RAD51B: variants seen among roughly 807,000 people sequenced by gnomAD.
RAD51B encodes the protein RAD51 paralog B, also known as DNA repair protein RAD51 homolog 2.
A neutral mutation model predicts 42.2 loss-of-function variants in RAD51B; 38 were observed. That is an observed-to-expected ratio of 0.90 (90% CI 0.70 to 1.18). RAD51B has a LOEUF of 1.18. RAD51B is among the 50% of genes most tolerant of loss of function. RAD51B has a pLI of 0.00. For missense variants in RAD51B, 373 were observed against 400.7 expected (o/e 0.93, Z 0.59); for synonymous variants, 154 against 145.2 (o/e 1.06, Z -0.43).
At chr14:67,878,592 A>T (rs1368259218) in intron 5 of RAD51B, among the ~76,000 whole-genome samples, 2 of 152,104 alleles carry the variant, frequency 1.3e-5, no homozygotes, top group Non-Finnish European at 2.9e-5. Flanking sequence ...CTCTAGGTGG[A>T]TTATATCAAT....
intron 10 of RAD51B, among the ~76,000 whole-genome samples, chr14:68,502,062 T>C (rs145364164): frequency 3.2e-4 from 48 of 152,336 alleles, no homozygotes; most frequent in African/African-American, 1.1e-3. Flanking sequence ...GTCTGAGCCA[T>C]CAAAGGAGCC....
At chr14:68,426,131 C>T (rs769817237) in intron 9 of RAD51B, among the ~76,000 whole-genome samples, 6 of 151,394 alleles carry the variant, frequency 4.0e-5, no homozygotes, top group East Asian at 1.9e-4. Context: ...TGCAATGGCA[C>T]GATCTCGGCT....
intron 10 of RAD51B, chr14:68,563,663 G>A: frequency 2.0e-6 from 2 of 985,478 alleles, no homozygotes; most frequent in South Asian, 4.7e-5. Context: ...TGCTTCGGGG[G>A]AAGGGCAGAA....
chr14:68,094,108 C>G (rs541000912), intron 7 of RAD51B, among the ~76,000 whole-genome samples: 1 of 152,082 alleles, frequency 6.6e-6, no homozygotes, highest in Non-Finnish European at 1.5e-5. Context: ...TTGAGTACCT[C>G]TTTATATTAC....
chr14:67,826,569 C>T (rs1246778911), intron 3 of RAD51B, among the ~76,000 whole-genome samples: 1 of 152,094 alleles, frequency 6.6e-6, no homozygotes, highest in Non-Finnish European at 1.5e-5. Flanking sequence ...TTGAAATTTA[C>T]TGAACACTGA....
intron 8 of RAD51B, among the ~76,000 whole-genome samples, chr14:68,355,245 G>T (rs1413629166): frequency 6.6e-6 from 1 of 152,114 alleles, no homozygotes; most frequent in East Asian, 1.9e-4. Context: ...GTTTCATAAA[G>T]AAAACATTAA....
intron 7 of RAD51B, among the ~76,000 whole-genome samples, chr14:68,058,024 TCTC>T (rs769398665): frequency 6.6e-6 from 1 of 152,112 alleles, no homozygotes; most frequent in East Asian, 1.9e-4. Flanking sequence ...CTTTCCTCTG[TCTC>T]CTCTAATTTT....
intron 5 of RAD51B, among the ~76,000 whole-genome samples, chr14:67,872,832 A>G (rs1306332502): frequency 2.0e-5 from 3 of 151,888 alleles, no homozygotes; most frequent in Non-Finnish European, 4.4e-5. Context: ...AAAACAAGCA[A>G]TGGGGAAAGG....
intron 7 of RAD51B, among the ~76,000 whole-genome samples, chr14:68,234,526 A>T (rs558293052): frequency 1.3e-5 from 2 of 152,354 alleles, no homozygotes; most frequent in Admixed American, 6.5e-5. Flanking sequence ...GCTGGATGGT[A>T]CAGCCTGTTA....
intron 7 of RAD51B, among the ~76,000 whole-genome samples, chr14:67,979,274 A>G (rs1217002197): frequency 6.6e-6 from 1 of 152,238 alleles, no homozygotes; most frequent in African/African-American, 2.4e-5. Context: ...AAATGCAGTT[A>G]AAATATAGTA....
At chr14:68,440,900 A>G (rs1264265290) in intron 9 of RAD51B, among the ~76,000 whole-genome samples, 1 of 152,234 alleles carries the variant, frequency 6.6e-6, no homozygotes, top group Non-Finnish European at 1.5e-5. Flanking sequence ...ATCCAAGCCA[A>G]TATTGATTTA....
chr14:67,830,667 T>G lies in RAD51B; in HGVS notation c.199-4413T>G, dbSNP rs146148133. On this transcript the variant is annotated intron_variant, in intron 3 of 10. Transcript: ENST00000471583. Reference sequence around the variant, plus strand: ...CACCCACCTCAGCCTCCCAGTGTGCTGGGATTACAGATGTGAGCCACTGTG... The same window carrying G: ...CACCCACCTCAGCCTCCCAGTGTGCGGGGATTACAGATGTGAGCCACTGTG... Among the ~76,000 whole-genome samples, 441 of 151,970 alleles carry G rather than the reference T, an allele frequency of 2.9e-3. 12 individuals carry two copies. In the East Asian group the frequency reaches 0.074, roughly 26 times the overall value.
chr14:67,881,081 G>GTC (rs1346791636), intron 5 of RAD51B, among the ~76,000 whole-genome samples: 50 of 152,184 alleles, frequency 3.3e-4, no homozygotes, highest in African/African-American at 1.2e-3. Flanking sequence ...TTACTGTATT[G>GTC]AATAGGCAAT....
At chr14:68,127,720 A>G (rs972415550) in intron 7 of RAD51B, among the ~76,000 whole-genome samples, 1 of 151,766 alleles carries the variant, frequency 6.6e-6, no homozygotes, top group African/African-American at 2.4e-5. Context: ...CTGCTTTATT[A>G]TGTTGATATC....
intron 10 of RAD51B, among the ~76,000 whole-genome samples, chr14:68,496,898 A>G (rs575122734): frequency 3.3e-5 from 5 of 152,302 alleles, no homozygotes; most frequent in Admixed American, 2.6e-4. Flanking sequence ...AGTTCTCCCT[A>G]TGGGCATTTT....
At chr14:68,609,235 G>A (rs183248853) in intron 10 of RAD51B, among the ~76,000 whole-genome samples, 7 of 152,208 alleles carry the variant, frequency 4.6e-5, no homozygotes, top group Middle Eastern at 3.4e-3. Flanking sequence ...CCAAACCTTC[G>A]GCTGCCAGGC....
chr14:68,589,098 A>T (rs1490648897), intron 10 of RAD51B, among the ~76,000 whole-genome samples: 1 of 152,224 alleles, frequency 6.6e-6, no homozygotes, highest in Non-Finnish European at 1.5e-5. Flanking sequence ...CTCCTTGAAG[A>T]CAGCCATGCA....
At chr14:67,865,797 CA>C (rs1344265481) in intron 5 of RAD51B, among the ~76,000 whole-genome samples, 1 of 152,156 alleles carries the variant, frequency 6.6e-6, no homozygotes, top group Non-Finnish European at 1.5e-5. Flanking sequence ...CTTGGCCTCC[CA>C]AAGTGCCGGG....
chr14:68,190,405 A>G (rs2079241378), intron 7 of RAD51B, among the ~76,000 whole-genome samples: 1 of 152,208 alleles, frequency 6.6e-6, no homozygotes. Flanking sequence ...AAATGTATAA[A>G]TAGATAAACA....
Sources: gnomAD v4.1 joint callset for allele counts (sites outside exome capture counted in the v4.1 genomes callset) on GRCh38, gnomAD v4.1.1 for gene constraint, MANE v1.5 for transcripts, NCBI Gene and HGNC (gene_info 2026-07-23, HGNC 2026-07-21) for gene names.